PRKCE: variants seen among roughly 807,000 people sequenced by gnomAD.
The protein encoded by PRKCE is protein kinase C epsilon, also known as protein kinase C epsilon type.
A neutral mutation model predicts 85.4 loss-of-function variants in PRKCE; 16 were observed. The observed-to-expected ratio is 0.19, with a 90% CI of 0.13 to 0.28. The LOEUF (loss-of-function observed/expected upper bound fraction) is 0.28, where lower values mean the gene tolerates loss of function less well. Ranked by LOEUF, PRKCE falls within the 10% of genes least tolerant of loss-of-function variation. The probability of loss-of-function intolerance (pLI) is 1.00; values close to 1 mark genes in which losing one functional copy is unlikely to be tolerated. For synonymous variants in PRKCE, 388 were observed against 371.5 expected, an observed-to-expected ratio of 1.04 and a Z score of -0.51; for missense variants, 573 against 975.2, an observed-to-expected ratio of 0.59 and a Z score of 5.49.
intron 2 of PRKCE, among the ~76,000 whole-genome samples, chr2:45,915,491 A>G (rs893310990): frequency 3.3e-5 from 5 of 152,156 alleles, no homozygotes; most frequent in African/African-American, 1.2e-4. Flanking sequence ...AACCCTAAAG[A>G]ATTCAGCCTC....
intron 10 of PRKCE, among the ~76,000 whole-genome samples, chr2:46,048,385 C>A (rs1708654634): frequency 8.5e-5 from 13 of 152,188 alleles, no homozygotes; most frequent in Admixed American, 8.5e-4. Context: ...TCTTCATGTT[C>A]TTTTGTATTC....
At chr2:46,005,445 T>C (rs1294910042) in intron 8 of PRKCE, among the ~76,000 whole-genome samples, 1 of 152,174 alleles carries the variant, frequency 6.6e-6, no homozygotes, top group African/African-American at 2.4e-5. Context: ...TATATCCCTT[T>C]TTGTATTCAT....
chr2:45,894,747 G>A (rs1430962253), intron 2 of PRKCE, among the ~76,000 whole-genome samples: 1 of 152,138 alleles, frequency 6.6e-6, no homozygotes, highest in Non-Finnish European at 1.5e-5. Flanking sequence ...GTTTGCGATG[G>A]AGTCTCACCA....
chr2:45,817,893 C>T (rs377718044), intron 1 of PRKCE, among the ~76,000 whole-genome samples: 34 of 152,332 alleles, frequency 2.2e-4, no homozygotes, highest in African/African-American at 3.8e-4. Context: ...ATCTCACTGC[C>T]TGCTCTCAAA....
chr2:46,112,886 T>C (rs865824138), intron 11 of PRKCE, among the ~76,000 whole-genome samples: 1 of 152,164 alleles, frequency 6.6e-6, no homozygotes, highest in Non-Finnish European at 1.5e-5. Context: ...TTTTTGTTGC[T>C]TTTTTACTAA....
chr2:46,072,401 G>A (rs1347487620), intron 10 of PRKCE, among the ~76,000 whole-genome samples: 1 of 152,208 alleles, frequency 6.6e-6, no homozygotes, highest in East Asian at 1.9e-4. Context: ...TAGCAGAGTG[G>A]AGATGTCAAC....
intron 1 of PRKCE, among the ~76,000 whole-genome samples, chr2:45,670,340 C>G (rs1353238071): frequency 6.6e-6 from 1 of 152,158 alleles, no homozygotes; most frequent in Non-Finnish European, 1.5e-5. Flanking sequence ...CATATCCTGT[C>G]TAGGCTATTG....
chr2:45,883,373 C>T (rs1209370705), intron 2 of PRKCE, among the ~76,000 whole-genome samples: 3 of 152,206 alleles, frequency 2.0e-5, no homozygotes, highest in African/African-American at 4.8e-5. Context: ...GGTGAAGACC[C>T]GAGGGAAGCC....
At chr2:46,109,473 C>T (rs935343361) in intron 11 of PRKCE, among the ~76,000 whole-genome samples, 8 of 151,924 alleles carry the variant, frequency 5.3e-5, no homozygotes, top group Non-Finnish European at 1.2e-4. Flanking sequence ...CTACTGAAAA[C>T]GATATATTTT....
chr2:46,135,746 CTTTTTTTTTTTT>C (rs11417233), intron 11 of PRKCE, among the ~76,000 whole-genome samples: 7 of 20,658 alleles, frequency 3.4e-4, no homozygotes, highest in African/African-American at 1.3e-3. Context: ...ACAAATTATG[CTTTTTTTTTTTT>C]TTTTTTTTTT....
chr2:45,996,642 T>C (rs924039046), intron 6 of PRKCE, among the ~76,000 whole-genome samples: 5 of 152,206 alleles, frequency 3.3e-5, no homozygotes, highest in African/African-American at 1.2e-4. Flanking sequence ...ATTACATTAG[T>C]TGATTTTTCA....
At chr2:46,058,935 T>A (rs1348827176) in intron 10 of PRKCE, among the ~76,000 whole-genome samples, 1 of 152,216 alleles carries the variant, frequency 6.6e-6, no homozygotes, top group Non-Finnish European at 1.5e-5. Flanking sequence ...TGGGCTCAAG[T>A]GATCCTCTTG....
At chr2:45,960,789 TTGAC>T (rs1034257790) in intron 2 of PRKCE, among the ~76,000 whole-genome samples, 2 of 152,324 alleles carry the variant, frequency 1.3e-5, no homozygotes, top group African/African-American at 4.8e-5. Context: ...CCATCAGCCT[TTGAC>T]TGAAAAATTC....
rs906835724 is a variant in PRKCE, at chr2:46,068,833, G to A, written c.1438-17375G>A. On this transcript the variant is annotated intron_variant, in intron 10 of 14. Transcript: ENST00000306156. The surrounding 1 kb of genome is among the most constrained non-coding windows in gnomAD (Gnocchi z 4.3). The stretch of plus-strand genomic sequence containing the variant: ...AAGAGATCAGCTCAAGTAGGGACTT[G>A]TGAGATACCAGATTGAAATTTAGAT... Among the ~76,000 whole-genome samples the A allele has an allele frequency of 6.6e-6, 1 of 152,242 alleles. No individual in the cohort carries two copies. The highest frequency in any genetic ancestry group is 2.4e-5 in the African/African-American group (1 of 41,458).
chr2:45,684,415 G>A (rs903528570), intron 1 of PRKCE, among the ~76,000 whole-genome samples: 1 of 152,186 alleles, frequency 6.6e-6, no homozygotes, highest in Admixed American at 6.5e-5. Context: ...GCCTAAGGCT[G>A]GGCTTTCAGA....
At chr2:45,671,225 G>A (rs547979749) in intron 1 of PRKCE, among the ~76,000 whole-genome samples, 1 of 152,338 alleles carries the variant, frequency 6.6e-6, no homozygotes, top group East Asian at 1.9e-4. Flanking sequence ...TTGTATGGTA[G>A]TGAATATATT....
intron 14 of PRKCE, chr2:46,168,074 G>A (rs1277290593): frequency 6.6e-6 from 1 of 152,128 alleles, no homozygotes; most frequent in Non-Finnish European, 1.5e-5. Context: ...GAATTCTGAT[G>A]GCAGGAACGT....
intron 10 of PRKCE, among the ~76,000 whole-genome samples, chr2:46,046,559 GA>G (rs1187858405): frequency 6.6e-6 from 1 of 152,194 alleles, no homozygotes; most frequent in Non-Finnish European, 1.5e-5. Flanking sequence ...ACGTCACATT[GA>G]AAAATGGAAA....
chr2:46,174,117 C>T (rs886347823), intron 14 of PRKCE, among the ~76,000 whole-genome samples: 1 of 152,204 alleles, frequency 6.6e-6, no homozygotes, highest in Non-Finnish European at 1.5e-5. Context: ...AAGCAACTTT[C>T]CCTCAGAAGT....
Sources: allele counts gnomAD v4.1 joint callset (sites outside exome capture counted in the v4.1 genomes callset), GRCh38; gene constraint gnomAD v4.1.1; non-coding constraint Gnocchi (gnomAD v3.1); transcripts MANE v1.5; gene names NCBI Gene and HGNC (gene_info 2026-07-23, HGNC 2026-07-21).